Variants in ABL1 observed in about 807,000 individuals in gnomAD.
The protein encoded by ABL1 is tyrosine-protein kinase ABL1.
Under a neutral mutation model 94.7 loss-of-function variants are expected in ABL1, and 11 were observed. The observed-to-expected ratio is 0.12, with a 90% CI of 0.07 to 0.19. The LOEUF (loss-of-function observed/expected upper bound fraction) is 0.19, where lower values mean the gene tolerates loss of function less well. Among genes scored for constraint, ABL1 ranks in the 10% least tolerant of loss-of-function variants. The pLI is 1.00. For missense variants in ABL1, 1,082 were observed against 1,489.4 expected, an observed-to-expected ratio of 0.73 and a Z score of 4.50; for synonymous variants, 656 against 622.4, an observed-to-expected ratio of 1.05 and a Z score of -0.80.
intron 1 of ABL1, among the ~76,000 whole-genome samples, chr9:130,816,972 C>T (rs956778957): frequency 9.2e-5 from 14 of 152,370 alleles, no homozygotes; most frequent in Middle Eastern, 3.4e-3. Context: ...TCCCAAAGTG[C>T]TGGGATTACA....
intron 1 of ABL1, among the ~76,000 whole-genome samples, chr9:130,775,619 GAGAAA>G (rs1415755782): frequency 6.6e-6 from 1 of 151,942 alleles, no homozygotes; most frequent in African/African-American, 2.4e-5. Flanking sequence ...TATAAGGAGA[GAGAAA>G]AGAAGTCAAT....
At chr9:130,875,245 G>A (rs796873269) in intron 7 of ABL1, among the ~76,000 whole-genome samples, 193 bp downstream of exon 7, 1 of 152,056 alleles carries the variant, frequency 6.6e-6, no homozygotes, top group East Asian at 1.9e-4. Context: ...GGGTTCAAGC[G>A]ATTCTCCTGT....
intron 1 of ABL1, among the ~76,000 whole-genome samples, chr9:130,845,546 C>A (rs1448416634): frequency 6.6e-6 from 1 of 152,022 alleles, no homozygotes; most frequent in African/African-American, 2.4e-5. Flanking sequence ...TTAGTAGAGA[C>A]GACCTCCCAA....
intron 3 of ABL1, among the ~76,000 whole-genome samples, chr9:130,860,028 T>C (rs1588271351): frequency 6.6e-6 from 1 of 152,190 alleles, no homozygotes; most frequent in South Asian, 2.1e-4. Flanking sequence ...TTCAGGTTCA[T>C]GCATGATTAG....
Position 130,874,896 on chromosome 9 carries a change from G to A in ABL1, c.1114G>A (p.Gly372Arg). The change falls in exon 7 of 11, where the codon GGG becomes AGG. Residue 372 changes from glycine to arginine, a missense_variant. Gly to Arg is a moderately radical substitution (Grantham distance 125, BLOSUM62 -2). Coordinates refer to ENST00000318560, the MANE Select transcript of ABL1 (RefSeq NM_005157.6). The stretch of plus-strand genomic sequence containing the variant: ...TCTTGCTGCCCGAAACTGCCTGGTA[G>A]GGGAGAACCACTTGGTGAAGGTAGC... The part of the protein sequence containing the change: ...RDLAARNCLV[G>R]ENHLVKVADF... 6.2e-7 allele frequency: 1 copy of A among 1,614,154 alleles called. No homozygotes were observed. The highest frequency in any genetic ancestry group is 8.5e-7 in the Non-Finnish European group (1 of 1,180,018).
intron 1 of ABL1, among the ~76,000 whole-genome samples, chr9:130,738,999 C>T (rs948106350): frequency 6.6e-6 from 1 of 152,202 alleles, no homozygotes; most frequent in Non-Finnish European, 1.5e-5. Flanking sequence ...TCTCCTGTCT[C>T]AGCCTCCAGA....
chr9:130,860,447 A>C (rs980086721), intron 3 of ABL1, among the ~76,000 whole-genome samples: 1 of 152,182 alleles, frequency 6.6e-6, no homozygotes, highest in Non-Finnish European at 1.5e-5. Flanking sequence ...GGGGGAATCA[A>C]ATGAGCCCAA....
chr9:130,821,023 G>A (rs555836372), intron 1 of ABL1, among the ~76,000 whole-genome samples: 32 of 152,006 alleles, frequency 2.1e-4, no homozygotes, highest in African/African-American at 7.2e-4. Context: ...TCCACCTCCC[G>A]GGTTCAAGCG....
intron 1 of ABL1, among the ~76,000 whole-genome samples, chr9:130,797,575 A>G (rs1829996581): frequency 6.6e-6 from 1 of 152,076 alleles, no homozygotes; most frequent in South Asian, 2.1e-4. Flanking sequence ...GGGTTTTGCC[A>G]TGTTGACCAG....
At chr9:130,728,703 T>A (rs1010174933) in intron 1 of ABL1, among the ~76,000 whole-genome samples, 2 of 151,502 alleles carry the variant, frequency 1.3e-5, no homozygotes, top group African/African-American at 4.9e-5. Context: ...TTTTTTTTTT[T>A]ATAGTTTGTA....
In ABL1 at chr9:130,854,218, C is replaced by G; in HGVS notation, c.234C>G (p.Asn78Lys). The change falls in exon 2 of 11, where the codon AAC (asparagine) becomes AAG (lysine). Residue 78 changes from asparagine to lysine, a missense_variant. Physicochemically the swap from Asn to Lys is moderately conservative, Grantham distance 94. This residue lies in a region of ABL1 where 47 missense variants were observed against 142.2 expected (regional missense o/e 0.33). Coordinates refer to ENST00000318560, the MANE Select transcript of ABL1 (RefSeq NM_005157.6). ...ALYDFVASGD[N>K]TLSITKGEKL... ...ATGATTTTGTGGCCAGTGGAGATAACACTCTAAGCATAACTAAAGGTAAAA... is the reference window on the plus strand; with the variant it reads ...ATGATTTTGTGGCCAGTGGAGATAAGACTCTAAGCATAACTAAAGGTAAAA... The G allele has an allele frequency of 6.2e-7, 1 of 1,613,904 alleles. No individual in the cohort carries two copies. The highest frequency in any genetic ancestry group is 8.5e-7 in the Non-Finnish European group (1 of 1,179,962).
At position 130,854,488 on chromosome 9, in the gene ABL1, C is replaced by T. The variant is rs35319323; in HGVS notation, c.253+251C>T. Among the ~76,000 whole-genome samples the T allele has an allele frequency of 5.0e-3, 759 of 152,222 alleles. 11 individuals are homozygous for T. The highest frequency in any genetic ancestry group is 0.018 in the African/African-American group (728 of 41,516). On this transcript the variant is annotated intron_variant, in intron 2 of 10. Transcript: ENST00000318560. ...AAGGACAGCTGGACAAAATACTGAA[C>T]GCAATTTTTCCCCTAAGAAAAAGCA...
intron 2 of ABL1, 127 bp downstream of exon 2, chr9:130,854,364 C>A: frequency 9.4e-7 from 1 of 1,060,804 alleles, no homozygotes; most frequent in Non-Finnish European, 1.4e-6. Flanking sequence ...ATATCCAAAA[C>A]AACAACTGCA....
chr9:130,750,644 CTTTTTTTTT>C (rs71389345), intron 1 of ABL1, among the ~76,000 whole-genome samples: 1 of 87,284 alleles, frequency 1.1e-5, no homozygotes, highest in Non-Finnish European at 2.1e-5. Context: ...CTTTTTCTTT[CTTTTTTTTT>C]TTTTTTTTTT....
intron 1 of ABL1, among the ~76,000 whole-genome samples, chr9:130,851,766 C>CTTTTTTTTT (rs149948786): frequency 2.4e-5 from 3 of 122,788 alleles, no homozygotes; most frequent in Non-Finnish European, 5.1e-5. Flanking sequence ...CTCTCTTTTT[C>CTTTTTTTTT]TTTTTTTTTT....
chr9:130,851,152 C>T (rs1379715078), intron 1 of ABL1, among the ~76,000 whole-genome samples: 1 of 152,122 alleles, frequency 6.6e-6, no homozygotes, highest in Admixed American at 6.5e-5. Context: ...TCTCGATCTC[C>T]TGACCTCGGG....
intron 1 of ABL1, among the ~76,000 whole-genome samples, chr9:130,736,483 A>ATTGTT (rs767468976): frequency 5.3e-5 from 8 of 151,956 alleles, no homozygotes; most frequent in African/African-American, 9.7e-5. Context: ...GAGGTTGAAC[A>ATTGTT]TTGTTTTGTT....
chr9:130,860,596 G>A (rs576000788), intron 3 of ABL1, among the ~76,000 whole-genome samples: 1 of 152,328 alleles, frequency 6.6e-6, no homozygotes, highest in South Asian at 2.1e-4. Flanking sequence ...GGGATAATGA[G>A]ACTTGCTCCC....
chr9:130,855,984 T>G (rs1236393355), intron 3 of ABL1, among the ~76,000 whole-genome samples: 1 of 152,102 alleles, frequency 6.6e-6, no homozygotes, highest in African/African-American at 2.4e-5. Flanking sequence ...GGTGCGATCT[T>G]GGCTCACTGC....
Sources: allele counts gnomAD v4.1 joint callset (sites outside exome capture counted in the v4.1 genomes callset), GRCh38; gene constraint gnomAD v4.1.1; regional missense constraint gnomAD v4.1.1; transcripts MANE v1.5; gene names NCBI Gene and HGNC (gene_info 2026-07-23, HGNC 2026-07-21).